Variants in CENPX observed in about 807,000 individuals in gnomAD.
CENPX encodes the protein FANCM associated histone fold protein 2.
A neutral mutation model predicts 13.2 loss-of-function variants in CENPX; 13 were observed. The observed-to-expected ratio is 0.98, with a 90% confidence interval of 0.64 to 1.56. The LOEUF is 1.56. Among genes scored for constraint, CENPX ranks in the 40% most tolerant of loss-of-function variants. The pLI, the probability that CENPX is intolerant of heterozygous loss-of-function variation, is 0.00. For synonymous variants in CENPX, 66 were observed against 47.2 expected (o/e 1.40, Z -1.63); for missense variants, 138 against 107.5 (o/e 1.28, Z -1.26).
At chr17:82,019,735 G>T in intron 2 of CENPX, 41 bp from the exon 3 acceptor site, 1 of 1,548,202 alleles carries the variant, frequency 6.5e-7, no homozygotes, top group Non-Finnish European at 8.7e-7. Context: ...CTCACCCACC[G>T]CTCTGGCTGG....
chr17:82,022,835 G>A lies in CENPX; in HGVS notation c.27C>T (p.Gly9=). The A allele has an allele frequency of 1.3e-6, 2 of 1,592,218 alleles. No individual in the cohort carries two copies. Among genetic ancestry groups the A allele is most frequent in the African/African-American group, 1.3e-5 (1 of 74,720 alleles). The change falls in exon 1 of 5, where the codon GGC becomes GGT. Residue 9 remains glycine, a synonymous_variant. Transcript: ENST00000392359. MEGAGAGS[G]FRKELVSRLL... ...GCCCTCCGGCCCTCACCTTCCGGAA[G>A]CCGGATCCAGCTCCTGCTCCCTCCA... is the stretch of plus-strand genomic sequence containing the variant.
In CENPX at chr17:82,019,100, C is replaced by T. The variant is rs985714957; in HGVS notation, c.*105G>A. 154 of 1,442,112 alleles carry T rather than the reference C, an allele frequency of 1.1e-4. No homozygotes were observed. The highest frequency in any genetic ancestry group is 9.3e-4 in the Middle Eastern group (5 of 5,364). 89.3% of individuals were successfully genotyped at this position (1,442,112 alleles called of 1,614,324 possible). On this transcript the variant is annotated 3_prime_UTR_variant, in exon 5 of 5. Coordinates refer to ENST00000392359, the MANE Select transcript of CENPX (RefSeq NM_001271006.2). ...ATCTTGTTTGAATCAACTCCAAATC[C>T]TTCAGGTCCTTCCCTGCCTCTTATC...
intron 1 of CENPX, 27 bp from the exon 2 acceptor site, chr17:82,019,936 A>AGGCCCCCCCC: frequency 1.3e-6 from 2 of 1,534,106 alleles, no homozygotes; most frequent in Non-Finnish European, 1.8e-6. Flanking sequence ...TGTCAGCGCC[A>AGGCCCCCCCC]CGCCCCGCCC....
intron 1 of CENPX, among the ~76,000 whole-genome samples, chr17:82,021,217 G>GGTCCAGCATCCCGGCTT (rs950095243): frequency 6.6e-6 from 1 of 152,318 alleles, no homozygotes; most frequent in African/African-American, 2.4e-5. Context: ...CGGGCAGCAG[G>GGTCCAGCATCCCGGCTT]GTCCAGCATC....
In CENPX at chr17:82,019,300, G is replaced by A. The variant is rs769845681; in HGVS notation, c.224C>T (p.Pro75Leu). ...CGACCCACGCTCACGCACCAGCTGC[G>A]GAAGCACCTTCTCCAGCTGGTCCAC... Reference protein sequence around the residue: ...VDVDQLEKVLPQLLLDF With the variant: ...VDVDQLEKVLLQLLLDF Residue 75 changes from proline (P) to leucine (L), a missense_variant, in exon 4 of 5, where the codon CCG becomes CTG. Physicochemically the swap from Pro to Leu is moderately conservative, Grantham distance 98. Transcript: ENST00000392359. 6 of 1,594,878 alleles carry A rather than the reference G, an allele frequency of 3.8e-6. No individual in the cohort carries two copies. The highest frequency in any genetic ancestry group is 2.3e-5 in the South Asian group (2 of 88,344).
intron 1 of CENPX, 124 bp from the exon 2 acceptor site, chr17:82,020,033 T>A: frequency 1.0e-6 from 1 of 954,618 alleles, no homozygotes; most frequent in Non-Finnish European, 1.5e-6. Flanking sequence ...CCTGAGCCTC[T>A]CCCAGGGCAG....
chr17:82,022,835 G>T lies in CENPX; in HGVS notation c.27C>A (p.Gly9=), dbSNP rs1568011100. 1 of 1,592,214 alleles carries T rather than the reference G, an allele frequency of 6.3e-7. No homozygotes were observed. Among genetic ancestry groups the T allele is most frequent in the South Asian group, 1.1e-5 (1 of 88,210 alleles). Residue 9 remains glycine (G), a synonymous_variant, in exon 1 of 5, where the codon GGC becomes GGA. Coordinates refer to ENST00000392359, the MANE Select transcript of CENPX (RefSeq NM_001271006.2). MEGAGAGS[G]FRKELVSRLL... ...GCCCTCCGGCCCTCACCTTCCGGAA[G>T]CCGGATCCAGCTCCTGCTCCCTCCA...
chr17:82,022,118 G>A (rs1030255382), intron 1 of CENPX, among the ~76,000 whole-genome samples: 4 of 152,174 alleles, frequency 2.6e-5, no homozygotes, highest in African/African-American at 9.7e-5. Context: ...AAACCACTCT[G>A]CCTGCACCGA....
Position 82,018,980 on chromosome 17 carries a change from C to G in CENPX, c.*225G>C. The G allele has an allele frequency of 1.9e-6, 1 of 514,750 alleles. No individual in the cohort carries two copies. The highest frequency in any genetic ancestry group is 3.2e-6 in the Non-Finnish European group (1 of 316,680). The allele number at this position is 514,750 out of a possible 1,614,324, so 31.9% of individuals were successfully genotyped here. A position where few individuals can be genotyped will look rare whatever the true frequency, so the allele number is the denominator to read the frequency against. Reference sequence around the variant, plus strand: ...AGGAGAGGCAGGGACTCCCCAGGTGCTGCCCCTTCCCACACCAGTGTCCCC... The same window carrying G: ...AGGAGAGGCAGGGACTCCCCAGGTGGTGCCCCTTCCCACACCAGTGTCCCC... On this transcript the variant is annotated 3_prime_UTR_variant, in exon 5 of 5. Transcript: ENST00000392359.
intron 1 of CENPX, among the ~76,000 whole-genome samples, chr17:82,021,374 G>A (rs1013251693): frequency 3.3e-5 from 5 of 152,248 alleles, no homozygotes; most frequent in Non-Finnish European, 7.3e-5. Flanking sequence ...AGAAAAGGTA[G>A]AGAAGGCACT....
At position 82,022,406 on chromosome 17, in the gene CENPX, T is replaced by C. The variant is rs905131255; in HGVS notation, c.36+420A>G. The stretch of plus-strand genomic sequence containing the variant: ...CAAACAAAAGGGAAACCACTGTGCC[T>C]GGCGGCTGGGGTAGGTCCTGCCGGC... On this transcript the variant is annotated intron_variant, in intron 1 of 4. Transcript: ENST00000392359. 2.6e-5 allele frequency among the ~76,000 whole-genome samples: 4 copies of C among 152,146 alleles called. No homozygotes were observed. In the South Asian group the frequency reaches 6.2e-4, roughly 24 times the overall value.
At position 82,019,298 on chromosome 17, in the gene CENPX, GC is replaced by G; in HGVS notation, c.225del (p.Gln76SerfsTer13). ...VDVDQLEKVL[P>X]QLLLDF ...CCCGACCCACGCTCACGCACCAGCT[GC>G]GGAAGCACCTTCTCCAGCTGGTCCA... On this transcript the variant is annotated frameshift_variant, in exon 4 of 5. Transcript: ENST00000392359. LOFTEE classifies it high-confidence loss of function. 1 of 1,595,392 alleles carries G rather than the reference GC, an allele frequency of 6.3e-7. No individual in the cohort carries two copies. Among genetic ancestry groups the G allele is most frequent in the Non-Finnish European group, 8.5e-7 (1 of 1,171,646 alleles).
intron 1 of CENPX, 160 bp downstream of exon 1, chr17:82,022,666 C>G (rs1317204418): frequency 1.2e-6 from 1 of 833,030 alleles, no homozygotes. Flanking sequence ...CCCACGAGGG[C>G]GCGGGGCGCG....
chr17:82,022,720 A>G, intron 1 of CENPX, 106 bp downstream of exon 1: 1 of 1,363,908 alleles, frequency 7.3e-7, no homozygotes, highest in Non-Finnish European at 1.0e-6. Flanking sequence ...CCAACCTCAA[A>G]GGCACAGGGG....
chr17:82,019,171 C>G lies in CENPX; in HGVS notation c.*34G>C, dbSNP rs937503033. 57 of 1,535,910 alleles carry G rather than the reference C, an allele frequency of 3.7e-5. No individual in the cohort carries two copies. Among genetic ancestry groups the G allele is most frequent in the Non-Finnish European group, 4.6e-5 (52 of 1,138,398 alleles). ...GGCCTGCTTCTGTGGACCAGGGGCT[C>G]CTCTGGGGGTGGCCTCAGCCACGGC... On this transcript the variant is annotated 3_prime_UTR_variant, in exon 5 of 5. Transcript: ENST00000392359.
intron 3 of CENPX, 126 bp from the exon 4 acceptor site, chr17:82,019,507 C>G: frequency 6.6e-7 from 1 of 1,522,284 alleles, no homozygotes; most frequent in Non-Finnish European, 8.8e-7. Flanking sequence ...CAGGCCACAG[C>G]ACCTGACAAA....
intron 1 of CENPX, among the ~76,000 whole-genome samples, chr17:82,022,424 C>T (rs937643101): frequency 1.3e-5 from 2 of 152,256 alleles, no homozygotes; most frequent in African/African-American, 2.4e-5. Context: ...GGGGTAGGTC[C>T]TGCCGGCTCC....
Position 82,018,963 on chromosome 17 carries a change from CA to C in CENPX, c.*241del, listed in dbSNP as rs565504650. ...ACACTATTGTCCCAGGGAGGAGAGG[CA>C]GGGACTCCCCAGGTGCTGCCCCTTC... On this transcript the variant is annotated 3_prime_UTR_variant, in exon 5 of 5. Transcript: ENST00000392359. 1,072 of 460,486 alleles carry C rather than the reference CA, an allele frequency of 2.3e-3. 6 individuals are homozygous for C. Among genetic ancestry groups the C allele is most frequent in the African/African-American group, 0.017 (841 of 49,970 alleles). The allele number at this position is 460,486 out of a possible 1,614,324, so 28.5% of individuals were successfully genotyped here.
chr17:82,021,921 TAAAG>T (rs1415984711), intron 1 of CENPX, among the ~76,000 whole-genome samples: 1 of 152,028 alleles, frequency 6.6e-6, no homozygotes, highest in East Asian at 1.9e-4. Flanking sequence ...CCTTGGGTGA[TAAAG>T]AAGGGCCTGA....
Sources: allele counts gnomAD v4.1 joint callset (sites outside exome capture counted in the v4.1 genomes callset), GRCh38; gene constraint gnomAD v4.1.1; transcripts MANE v1.5; gene names NCBI Gene and HGNC (gene_info 2026-07-23, HGNC 2026-07-21).